ZNF667: variants seen among roughly 807,000 people sequenced by gnomAD.
ZNF667 encodes myocardial ischemic preconditioning upregulated 1 ortholog.
A neutral mutation model predicts 31.8 loss-of-function variants in ZNF667; 13 were observed. The ratio of observed to expected loss-of-function variants is 0.41; its 90% CI spans 0.27 to 0.65. The LOEUF (loss-of-function observed/expected upper bound fraction) is 0.65, where lower values mean the gene tolerates loss of function less well. Among genes scored for constraint, ZNF667 ranks in the 30% least tolerant of loss-of-function variants. ZNF667 has a pLI of 0.32. For missense variants in ZNF667, 642 were observed against 725.6 expected (o/e 0.88, Z 1.32); for synonymous variants, 228 against 247.1 (o/e 0.92, Z 0.73).
intron 3 of ZNF667, among the ~76,000 whole-genome samples, chr19:56,463,189 GGA>G (rs2043086574): frequency 6.6e-6 from 1 of 152,092 alleles, no homozygotes; most frequent in Non-Finnish European, 1.5e-5. Context: ...GCTGAGAAGG[GGA>G]GTGACACCAT....
rs146653983 is a variant in ZNF667 at position 56,462,500 on chromosome 19, C to A, written c.-59-71G>T. 8.7e-5 allele frequency: 77 copies of A among 881,884 alleles called. No homozygotes were observed. In the African/African-American group the frequency reaches 1.1e-3, roughly 13 times the overall value. The allele number at this position is 881,884 out of a possible 1,614,324, so 54.6% of individuals were successfully genotyped here. ...CCCCTACCTAACCTGGAGACACACA[C>A]ACACACAGACACACATGCACACATA... On this transcript the variant is annotated intron_variant, in intron 3 of 6. Transcript: ENST00000504904.
At chr19:56,447,334 C>T (rs947634121) in intron 6 of ZNF667, among the ~76,000 whole-genome samples, 3 of 151,970 alleles carry the variant, frequency 2.0e-5, no homozygotes, top group South Asian at 2.1e-4. Flanking sequence ...GGAAAGATCA[C>T]GAAAAAACAA....
chr19:56,467,802 T>C (rs1324815946), intron 3 of ZNF667: 2 of 152,206 alleles, frequency 1.3e-5, no homozygotes, highest in Non-Finnish European at 2.9e-5. Context: ...ATACAAGGTA[T>C]GTGTGAGGTG....
rs2147841267 is a variant in ZNF667 at position 56,471,909 on chromosome 19, T to C, written c.-270A>G. The stretch of plus-strand genomic sequence containing the variant: ...AATTATAGCTCCCATAATTTCCACG[T>C]GTTGTGGGAGGGACCCGGTGGGAGA... On this transcript the variant is annotated 5_prime_UTR_variant, in exon 3 of 7. Coordinates refer to ENST00000504904, the MANE Select transcript of ZNF667 (RefSeq NM_001321356.2). 1 of 152,232 alleles carries C rather than the reference T, an allele frequency of 6.6e-6. No homozygotes were observed. The highest frequency in any genetic ancestry group is 1.9e-4 in the East Asian group (1 of 5,172). 9.4% of individuals were successfully genotyped at this position (152,232 alleles called of 1,614,324 possible).
At chr19:56,446,926 T>C (rs1335636178) in intron 6 of ZNF667, among the ~76,000 whole-genome samples, 1 of 152,176 alleles carries the variant, frequency 6.6e-6, no homozygotes. Context: ...TTCCTTCCTG[T>C]GTGGAATACT....
chr19:56,462,254 A>C, intron 4 of ZNF667, 84 bp downstream of exon 4: 1 of 1,549,398 alleles, frequency 6.5e-7, no homozygotes, highest in Non-Finnish European at 8.9e-7. Context: ...AACAGGCAAC[A>C]AGTCTCCATG....
Position 56,450,013 on chromosome 19 carries a change from T to C in ZNF667, c.254-7272A>G, listed in dbSNP as rs1039952752. Among the ~76,000 whole-genome samples, 34 of 151,602 alleles carry C rather than the reference T, an allele frequency of 2.2e-4. 1 individual carries two copies. Among genetic ancestry groups the C allele is most frequent in the Non-Finnish European group, 4.4e-5 (3 of 67,946 alleles). On this transcript the variant is annotated intron_variant, in intron 6 of 6. Coordinates refer to ENST00000504904, the MANE Select transcript of ZNF667 (RefSeq NM_001321356.2). The stretch of plus-strand genomic sequence containing the variant: ...GACCCAAAAGGGCATATCTAGGAGT[T>C]AGTGGCTTAAAGAGAAGGCAGAGAG...
chr19:56,447,126 C>T (rs999663003), intron 6 of ZNF667, among the ~76,000 whole-genome samples: 3 of 150,872 alleles, frequency 2.0e-5, no homozygotes, highest in African/African-American at 7.3e-5. Context: ...ATGTGAATGC[C>T]AATACTTCCA....
Position 56,442,473 on chromosome 19 carries a change from G to A in ZNF667, c.522C>T (p.Cys174=). The A allele has an allele frequency of 1.2e-6, 2 of 1,613,728 alleles. No homozygotes were observed. Among genetic ancestry groups the A allele is most frequent in the African/African-American group, 1.3e-5 (1 of 75,008 alleles). ...GTCTGAAAGCTTTTCTACAATTACT[G>A]CATTCAAAAGGCTTCTCTCCTGTAT... ...NIHTGEKPFE[C]SNCRKAFRQI... Residue 174 remains cysteine, a synonymous_variant, in exon 7 of 7, where the codon TGC becomes TGT. Coordinates refer to ENST00000504904, the MANE Select transcript of ZNF667 (RefSeq NM_001321356.2).
At chr19:56,445,949 C>T (rs1365472013) in intron 6 of ZNF667, among the ~76,000 whole-genome samples, 2 of 139,048 alleles carry the variant, frequency 1.4e-5, no homozygotes, top group East Asian at 4.2e-4. Context: ...GTGAGAAATC[C>T]ACCCCCATGA....
In ZNF667 at chr19:56,473,995, G is replaced by A. The variant is rs1231968274; in HGVS notation, c.-549+17C>T. 1.3e-5 allele frequency: 2 copies of A among 152,160 alleles called. No homozygotes were observed. The highest frequency in any genetic ancestry group is 6.5e-5 in the Admixed American group (1 of 15,274). 9.4% of individuals were successfully genotyped at this position (152,160 alleles called of 1,614,324 possible). A position where few individuals can be genotyped will look rare whatever the true frequency, so the allele number is the denominator to read the frequency against. ...CAAAACAACAAATGAAATAAAAGAA[G>A]GCTGGATCGCACATACCACATCAAG... is the stretch of plus-strand genomic sequence containing the variant. On this transcript the variant is annotated intron_variant, in intron 2 of 6. Coordinates refer to ENST00000504904, the MANE Select transcript of ZNF667 (RefSeq NM_001321356.2).
At chr19:56,443,004 G>C (rs2042649537) in intron 6 of ZNF667, among the ~76,000 whole-genome samples, 1 of 152,076 alleles carries the variant, frequency 6.6e-6, no homozygotes, top group Non-Finnish European at 1.5e-5. Context: ...ACGGCACATT[G>C]AACTCCACAG....
In ZNF667 at chr19:56,440,893, G is replaced by A. The variant is rs1029838227; in HGVS notation, c.*269C>T. On this transcript the variant is annotated 3_prime_UTR_variant, in exon 7 of 7. Transcript: ENST00000504904. ...CTGTCTCAGCCTCCCAAAGTGCTGG[G>A]GTTACAGGTGTAAGCCACTGCGCCC... is the stretch of plus-strand genomic sequence containing the variant. The A allele has an allele frequency of 9.7e-6, 12 of 1,234,876 alleles. No homozygotes were observed. The highest frequency in any genetic ancestry group is 1.5e-5 in the African/African-American group (1 of 65,624). The allele number at this position is 1,234,876 out of a possible 1,614,324, so 76.5% of individuals were successfully genotyped here.
At chr19:56,467,992 G>A (rs2043199078) in intron 3 of ZNF667, 1 of 152,190 alleles carries the variant, frequency 6.6e-6, no homozygotes, top group African/African-American at 2.4e-5. Flanking sequence ...CTCCCCAGAG[G>A]TTGAAGGGTG....
intron 6 of ZNF667, chr19:56,443,994 G>A (rs2042670790): frequency 5.5e-6 from 2 of 363,182 alleles, no homozygotes; most frequent in East Asian, 7.9e-5. Context: ...GGTATACTAT[G>A]AGTATAAAAC....
At chr19:56,460,290 T>C (rs545533031) in intron 5 of ZNF667, among the ~76,000 whole-genome samples, 236 of 152,104 alleles carry the variant, frequency 1.6e-3, no homozygotes, top group African/African-American at 4.7e-3. Flanking sequence ...CTCAAAAACA[T>C]TAGAAATCAA....
intron 1 of ZNF667, chr19:56,474,393 C>T (rs1316530789): frequency 6.6e-6 from 1 of 152,394 alleles, no homozygotes; most frequent in Admixed American, 6.5e-5. Flanking sequence ...ACCTGCCAGC[C>T]CCAGAGGCCA....
Position 56,441,256 on chromosome 19 carries a change from T to C in ZNF667, c.1739A>G (p.Glu580Gly), listed in dbSNP as rs2042593975. The C allele has an allele frequency of 6.2e-7, 1 of 1,614,194 alleles. No individual in the cohort carries two copies. The highest frequency in any genetic ancestry group is 8.5e-7 in the Non-Finnish European group (1 of 1,179,992). The stretch of plus-strand genomic sequence containing the variant: ...ACATTTACTACATTCATAGGGTTTC[T>C]CTGAAGAATGACTTCTCTGATGTCG... Reference protein sequence around the residue: ...LIRHQRSHSSEKPYECSKCGK... With the variant: ...LIRHQRSHSSGKPYECSKCGK... The change falls in exon 7 of 7, where the codon GAG becomes GGG. Residue 580 changes from glutamate (E) to glycine (G), a missense_variant. Physicochemically the swap from Glu to Gly is moderately conservative, Grantham distance 98 (BLOSUM62 -2). Coordinates refer to ENST00000504904, the MANE Select transcript of ZNF667 (RefSeq NM_001321356.2). This position sits in a 1 kb window ranked among gnomAD's most constrained non-coding sequence, Gnocchi z 4.2.
intron 3 of ZNF667, among the ~76,000 whole-genome samples, chr19:56,466,413 T>C (rs1192271404): frequency 6.6e-6 from 1 of 152,016 alleles, no homozygotes; most frequent in Admixed American, 6.5e-5. Context: ...CTGCAACAGA[T>C]GGAGTTGAGG....
Sources: allele counts gnomAD v4.1 joint callset (sites outside exome capture counted in the v4.1 genomes callset), GRCh38; gene constraint gnomAD v4.1.1; non-coding constraint Gnocchi (gnomAD v3.1); transcripts MANE v1.5; gene names NCBI Gene and HGNC (gene_info 2026-07-23, HGNC 2026-07-21).